NR3C2: variants seen among roughly 807,000 people sequenced by gnomAD.
NR3C2 encodes nuclear receptor subfamily 3 group C member 2, also known as mineralocorticoid receptor.
NR3C2 carries 15 observed loss-of-function variants against 86.4 expected under a neutral mutation model. The ratio of observed to expected loss-of-function variants is 0.17; its 90% CI spans 0.12 to 0.27. NR3C2 has a LOEUF of 0.27. Among genes scored for constraint, NR3C2 ranks in the 10% least tolerant of loss-of-function variants. The probability of loss-of-function intolerance (pLI) is 1.00; values close to 1 mark genes in which losing one functional copy is unlikely to be tolerated. For synonymous variants in NR3C2, 458 were observed against 450.5 expected (o/e 1.02, Z -0.21); for missense variants, 960 against 1,195.6 (o/e 0.80, Z 2.91).
At chr4:148,378,833 G>C (rs553927526) in intron 2 of NR3C2, among the ~76,000 whole-genome samples, 12 of 152,258 alleles carry the variant, frequency 7.9e-5, no homozygotes, top group Middle Eastern at 3.4e-3. Context: ...TCATACACTA[G>C]AGAAATTTTT....
intron 2 of NR3C2, among the ~76,000 whole-genome samples, chr4:148,365,321 T>C (rs1288994325): frequency 6.6e-6 from 1 of 152,162 alleles, no homozygotes; most frequent in Non-Finnish European, 1.5e-5. Flanking sequence ...TGACATTATA[T>C]CAGGGCTTAA....
intron 2 of NR3C2, among the ~76,000 whole-genome samples, chr4:148,349,200 C>T (rs1745148194): frequency 6.6e-6 from 1 of 152,140 alleles, no homozygotes; most frequent in Non-Finnish European, 1.5e-5. Context: ...ACAATGGTTT[C>T]ACATACTCTG....
chr4:148,257,177 T>C (rs1013765599), intron 3 of NR3C2, among the ~76,000 whole-genome samples: 5 of 152,170 alleles, frequency 3.3e-5, no homozygotes, highest in African/African-American at 9.7e-5. Flanking sequence ...TTCTGTAATC[T>C]AACGAGGGGC....
chr4:148,305,181 G>A (rs1742552261), intron 2 of NR3C2, among the ~76,000 whole-genome samples: 1 of 152,060 alleles, frequency 6.6e-6, no homozygotes, highest in Non-Finnish European at 1.5e-5. Context: ...ATGAAAAGTA[G>A]GAAATCGTTC....
intron 8 of NR3C2, among the ~76,000 whole-genome samples, chr4:148,082,719 A>T (rs1730633513): frequency 6.6e-6 from 1 of 150,554 alleles, no homozygotes; most frequent in Admixed American, 6.6e-5. Context: ...AGCGAGACAG[A>T]ACCGTTCACT....
chr4:148,389,557 A>G (rs956184439), intron 2 of NR3C2, among the ~76,000 whole-genome samples: 2 of 152,076 alleles, frequency 1.3e-5, no homozygotes, highest in African/African-American at 4.8e-5. Context: ...TCCTAGTATT[A>G]CTTTTATGGA....
At chr4:148,152,649 T>C (rs1159649260) in intron 5 of NR3C2, 36 bp from the exon 6 acceptor site, 2 of 1,608,452 alleles carry the variant, frequency 1.2e-6, no homozygotes, top group Non-Finnish European at 1.7e-6. Context: ...GAAATACACT[T>C]AGCATTTAAG....
intron 3 of NR3C2, among the ~76,000 whole-genome samples, chr4:148,199,674 AAAG>A (rs1451077317): frequency 6.6e-6 from 1 of 152,174 alleles, no homozygotes; most frequent in Non-Finnish European, 1.5e-5. Flanking sequence ...AAAACAAGAA[AAAG>A]AAGTTCTAGG....
chr4:148,206,179 T>C (rs1267255717), intron 3 of NR3C2, among the ~76,000 whole-genome samples: 1 of 152,144 alleles, frequency 6.6e-6, no homozygotes, highest in Non-Finnish European at 1.5e-5. Context: ...AAGACTTTGA[T>C]TGGGAGATAT....
At chr4:148,149,902 G>A (rs916846598) in intron 6 of NR3C2, among the ~76,000 whole-genome samples, 5 of 152,264 alleles carry the variant, frequency 3.3e-5, no homozygotes, top group African/African-American at 1.2e-4. Flanking sequence ...AAAGAAAAAA[G>A]TGCTGGCAAG....
At chr4:148,344,842 C>T (rs1047638254) in intron 2 of NR3C2, among the ~76,000 whole-genome samples, 3 of 152,096 alleles carry the variant, frequency 2.0e-5, no homozygotes, top group Non-Finnish European at 4.4e-5. Context: ...AGTAATTAAT[C>T]CATTAAACTA....
rs2149701350 is a variant in NR3C2 at position 148,081,001 on chromosome 4, A to C, written c.*343T>G. 2.7e-6 allele frequency: 1 copy of C among 363,916 alleles called. No homozygotes were observed. The highest frequency in any genetic ancestry group is 2.1e-5 in the African/African-American group (1 of 47,770). 22.5% of individuals were successfully genotyped at this position (363,916 alleles called of 1,614,324 possible). A position where few individuals can be genotyped will look rare whatever the true frequency, so the allele number is the denominator to read the frequency against. On this transcript the variant is annotated 3_prime_UTR_variant, in exon 9 of 9. Coordinates refer to ENST00000358102, the MANE Select transcript of NR3C2 (RefSeq NM_000901.5). ...CCTTGAACCCTTTTAAAACAAGCGA[A>C]CGATACCAGAAACTACACGGCATAG...
intron 2 of NR3C2, among the ~76,000 whole-genome samples, chr4:148,288,898 T>C (rs1741661896): frequency 6.6e-6 from 1 of 152,146 alleles, no homozygotes; most frequent in African/African-American, 2.4e-5. Flanking sequence ...ATAAGTTTAG[T>C]GCTAAAGGAA....
At chr4:148,399,683 G>GACAC (rs3045291) in intron 2 of NR3C2, among the ~76,000 whole-genome samples, 20 of 150,656 alleles carry the variant, frequency 1.3e-4, no homozygotes, top group African/African-American at 4.7e-4. Flanking sequence ...TATATATACA[G>GACAC]ACACACACAC....
chr4:148,273,384 T>C (rs919438858), intron 2 of NR3C2, among the ~76,000 whole-genome samples: 1 of 152,178 alleles, frequency 6.6e-6, no homozygotes, highest in African/African-American at 2.4e-5. Flanking sequence ...GATTAATATT[T>C]TGAAACATAA....
chr4:148,363,564 C>T (rs1369983899), intron 2 of NR3C2, among the ~76,000 whole-genome samples: 5 of 137,450 alleles, frequency 3.6e-5, no homozygotes, highest in South Asian at 2.3e-4. Flanking sequence ...ATTGCAGTGG[C>T]GCTATCTCAG....
chr4:148,141,465 C>T (rs192010621), intron 6 of NR3C2, among the ~76,000 whole-genome samples: 22 of 151,926 alleles, frequency 1.4e-4, no homozygotes, highest in Non-Finnish European at 2.8e-4. Context: ...CACACACACA[C>T]ACGTATTTTG....
intron 2 of NR3C2, among the ~76,000 whole-genome samples, chr4:148,417,334 T>C (rs1749062523): frequency 6.6e-6 from 1 of 152,218 alleles, no homozygotes; most frequent in Admixed American, 6.5e-5. Flanking sequence ...TCTACCGCTC[T>C]CTTCTTATAA....
At chr4:148,360,735 GAATT>G (rs1227113783) in intron 2 of NR3C2, among the ~76,000 whole-genome samples, 5 of 152,168 alleles carry the variant, frequency 3.3e-5, no homozygotes. Flanking sequence ...GTTTATGAGA[GAATT>G]AATTAAAAAT....
Sources: allele counts gnomAD v4.1 joint callset (sites outside exome capture counted in the v4.1 genomes callset), GRCh38; gene constraint gnomAD v4.1.1; transcripts MANE v1.5; gene names NCBI Gene and HGNC (gene_info 2026-07-23, HGNC 2026-07-21).